Variants in DOT1L observed in about 807,000 individuals in gnomAD.
DOT1L encodes histone-lysine N-methyltransferase, H3 lysine-79 specific.
In DOT1L, 33 loss-of-function variants were observed where a neutral mutation model predicts 153.3. That is an observed-to-expected ratio of 0.22 (90% CI 0.16 to 0.29). DOT1L has a LOEUF of 0.29. Among genes scored for constraint, DOT1L ranks in the 10% least tolerant of loss-of-function variants. The pLI is 1.00. For synonymous variants in DOT1L, 1,135 were observed against 965.1 expected (o/e 1.18, Z -3.26); for missense variants, 1,847 against 2,119.9 (o/e 0.87, Z 2.53).
Position 2,187,144 on chromosome 19 carries a change from G to A in DOT1L, c.200+1215G>A, listed in dbSNP as rs139267572. Among the ~76,000 whole-genome samples the A allele has an allele frequency of 3.9e-5, 6 of 152,308 alleles. No individual in the cohort carries two copies. The East Asian group carries it at 1.2e-3, about 29-fold the overall frequency. On this transcript the variant is annotated intron_variant, in intron 3 of 27. Coordinates refer to ENST00000398665, the MANE Select transcript of DOT1L (RefSeq NM_032482.3). Reference sequence around the variant, plus strand: ...CTCACCCAGGAGCCCCCCACAAGTCGCTTCCTTACAACAGAAGACACTCCT... The same window carrying A: ...CTCACCCAGGAGCCCCCCACAAGTCACTTCCTTACAACAGAAGACACTCCT...
Position 2,216,605 on chromosome 19 carries a change from T to C in DOT1L, c.2248T>C (p.Cys750Arg), listed in dbSNP as rs1368151749. The change falls in exon 20 of 28, where the codon TGT becomes CGT. Residue 750 changes from cysteine to arginine, a missense_variant. Cys to Arg is a radical substitution (Grantham distance 180). This residue lies in a region of DOT1L where 281 missense variants were observed against 263.6 expected (regional missense o/e 1.07). Coordinates refer to ENST00000398665, the MANE Select transcript of DOT1L (RefSeq NM_032482.3). ...ASPLDQEVVPCTPSHVGRPRL... is the reference protein window; with the variant it reads ...ASPLDQEVVPRTPSHVGRPRL... The stretch of plus-strand genomic sequence containing the variant: ...ACCCCTGGACCAGGAGGTGGTGCCC[T>C]GTACCCCTAGCCACGTCGGCCGGCC... The C allele has an allele frequency of 5.6e-6, 9 of 1,607,638 alleles. No homozygotes were observed. The highest frequency in any genetic ancestry group is 7.6e-6 in the Non-Finnish European group (9 of 1,179,910).
In DOT1L at chr19:2,166,223, G is replaced by GA. The variant is rs1174325357; in HGVS notation, c.81+1958_81+1959insA. The stretch of plus-strand genomic sequence containing the variant: ...GCGATTCTCCTGCCTCGGCCTCCCT[G>GA]GTAGGTGGGATTACAGGCATGCGCC... On this transcript the variant is annotated intron_variant, in intron 1 of 27. Coordinates refer to ENST00000398665, the MANE Select transcript of DOT1L (RefSeq NM_032482.3). 8.3e-5 allele frequency among the ~76,000 whole-genome samples: 12 copies of GA among 144,492 alleles called. No individual in the cohort carries two copies. The East Asian group carries it at 8.4e-4, about 10-fold the overall frequency. 94.8% of individuals were successfully genotyped at this position (144,492 alleles called of 152,430 possible).
At chr19:2,206,940 G>T (rs552353831) in intron 10 of DOT1L, 143 bp downstream of exon 10, 28 of 831,578 alleles carry the variant, frequency 3.4e-5, no homozygotes, top group Non-Finnish European at 5.1e-5. Context: ...GGCAGTGCAG[G>T]GTGCTGAGCA....
chr19:2,222,364 C>T lies in DOT1L; in HGVS notation c.3195C>T (p.Ser1065=), dbSNP rs771035151. ...AGCAGTCGCCCTCCAGCAAGCACAG[C>T]CCCCTGACCGCCAGCGCCCGTGGGG... ...SAKQSPSSKH[S]PLTASARGDC... The change falls in exon 24 of 28, where the codon AGC becomes AGT. Residue 1065 remains serine (S), a synonymous_variant. Coordinates refer to ENST00000398665, the MANE Select transcript of DOT1L (RefSeq NM_032482.3). The surrounding 1 kb of genome is among the most constrained non-coding windows in gnomAD (Gnocchi z 6.5). 7.4e-6 allele frequency: 12 copies of T among 1,612,176 alleles called. No individual in the cohort carries two copies. The highest frequency in any genetic ancestry group is 1.3e-5 in the African/African-American group (1 of 75,052).
chr19:2,230,882 C>T lies in DOT1L; in HGVS notation c.*1090C>T, dbSNP rs1183846906. ...CTGCCTGCCCCACATCCCTTCCTGT[C>T]AGGGCCACGCCTGGCACCCATCCCT... On this transcript the variant is annotated 3_prime_UTR_variant, in exon 28 of 28. Transcript: ENST00000398665. 3.1e-6 allele frequency: 1 copy of T among 321,666 alleles called. No homozygotes were observed. The allele number at this position is 321,666 out of a possible 1,614,324, so 19.9% of individuals were successfully genotyped here.
chr19:2,198,041 G>A (rs989597015), intron 7 of DOT1L, among the ~76,000 whole-genome samples: 2 of 152,168 alleles, frequency 1.3e-5, no homozygotes, highest in Admixed American at 6.5e-5. Context: ...CTATGGGGCC[G>A]GCATTTCAGA....
rs1599629757 is a variant in DOT1L at position 2,227,959 on chromosome 19, G to T, written c.4606+832G>T. 2.5e-6 allele frequency: 3 copies of T among 1,191,844 alleles called. No individual in the cohort carries two copies. The South Asian group carries it at 4.3e-5, about 17-fold the overall frequency. 73.8% of individuals were successfully genotyped at this position (1,191,844 alleles called of 1,614,324 possible). A position where few individuals can be genotyped will look rare whatever the true frequency, so the allele number is the denominator to read the frequency against. On this transcript the variant is annotated intron_variant, in intron 27 of 27. Coordinates refer to ENST00000398665, the MANE Select transcript of DOT1L (RefSeq NM_032482.3). ...CTGCCCCCGCCTGCGCACCTGGGCC[G>T]GTCCCCCGCGGGGCCGCCCGTCCTC...
At chr19:2,173,772 C>A (rs976448914) in intron 1 of DOT1L, among the ~76,000 whole-genome samples, 2 of 152,174 alleles carry the variant, frequency 1.3e-5, no homozygotes, top group Non-Finnish European at 2.9e-5. Flanking sequence ...TTGCGAGTGC[C>A]TCACTACGCA....
In DOT1L at chr19:2,226,360, A is replaced by C. The variant is rs747466669; in HGVS notation, c.3839A>C (p.Glu1280Ala). ...CTGTTCACGTTCCGGCCCGCCCTGG[A>C]GGAGCCCTCTGCCGATGCCAAGCTG... The part of the protein sequence containing the change: ...NSLFTFRPAL[E>A]EPSADAKLAA... The change falls in exon 27 of 28, where the codon GAG becomes GCG. Residue 1280 changes from glutamate to alanine, a missense_variant. Glu to Ala is a moderately radical substitution (Grantham distance 107). This residue lies in a region of DOT1L where 934 missense variants were observed against 825.3 expected (regional missense o/e 1.13). Coordinates refer to ENST00000398665, the MANE Select transcript of DOT1L (RefSeq NM_032482.3). The C allele has an allele frequency of 1.3e-6, 2 of 1,593,900 alleles. No homozygotes were observed. Among genetic ancestry groups the C allele is most frequent in the Non-Finnish European group, 1.7e-6 (2 of 1,172,274 alleles).
At chr19:2,167,462 G>A (rs571588318) in intron 1 of DOT1L, among the ~76,000 whole-genome samples, 9 of 152,306 alleles carry the variant, frequency 5.9e-5, no homozygotes, top group East Asian at 3.9e-4. Flanking sequence ...GAGAGCTGGC[G>A]GGAGCGGGCT....
chr19:2,210,942 C>T (rs2023688205), intron 14 of DOT1L, 87 bp downstream of exon 14: 1 of 1,524,948 alleles, frequency 6.6e-7, no homozygotes. Context: ...CTCCTGAGCC[C>T]CGTGTGTTCA....
rs2024532256 is a variant in DOT1L, at chr19:2,230,070, A to T, written c.*278A>T. On this transcript the variant is annotated 3_prime_UTR_variant, in exon 28 of 28. Coordinates refer to ENST00000398665, the MANE Select transcript of DOT1L (RefSeq NM_032482.3). ...CTAAGTGGTAAAAGGCAACTTATTG[A>T]GAAATATAAATATCTATATATGAGA... 5.0e-6 allele frequency: 3 copies of T among 601,368 alleles called. No homozygotes were observed. The highest frequency in any genetic ancestry group is 3.1e-5 in the Admixed American group (1 of 31,986). The allele number at this position is 601,368 out of a possible 1,614,324, so 37.3% of individuals were successfully genotyped here.
chr19:2,210,899 G>C (rs764624309), intron 14 of DOT1L, 44 bp downstream of exon 14: 1 of 1,596,618 alleles, frequency 6.3e-7, no homozygotes, highest in Non-Finnish European at 8.5e-7. Flanking sequence ...CCCGAGTGCG[G>C]ATGCCTGGGG....
At chr19:2,186,596 C>T (rs769831140) in intron 3 of DOT1L, among the ~76,000 whole-genome samples, 4 of 152,230 alleles carry the variant, frequency 2.6e-5, no homozygotes, top group African/African-American at 9.6e-5. Context: ...GAGGGCCACG[C>T]GGCTGCACTT....
chr19:2,228,351 C>T (rs748663282), intron 27 of DOT1L: 2 of 1,318,378 alleles, frequency 1.5e-6, no homozygotes, highest in East Asian at 4.7e-5. Flanking sequence ...GCGATAAAGA[C>T]CTTGCTTAGC....
In DOT1L at chr19:2,224,264, G is replaced by A. The variant is rs182162059; in HGVS notation, c.3596+778G>A. On this transcript the variant is annotated intron_variant, in intron 25 of 27. Coordinates refer to ENST00000398665, the MANE Select transcript of DOT1L (RefSeq NM_032482.3). ...GTTTGTGTTTGGGAGCAAGTTTCCC[G>A]TTTCCTGGTGCCTGGGCGGAGGTGC... 2.1e-3 allele frequency among the ~76,000 whole-genome samples: 320 copies of A among 152,240 alleles called. 1 individual carries two copies. The highest frequency in any genetic ancestry group is 7.0e-3 in the African/African-American group (292 of 41,530).
chr19:2,208,842 C>A lies in DOT1L; in HGVS notation c.964-93C>A. The A allele has an allele frequency of 7.6e-7, 1 of 1,316,908 alleles. No individual in the cohort carries two copies. Among genetic ancestry groups the A allele is most frequent in the Non-Finnish European group, 1.1e-6 (1 of 938,774 alleles). 81.6% of individuals were successfully genotyped at this position (1,316,908 alleles called of 1,614,324 possible). On this transcript the variant is annotated intron_variant, in intron 11 of 27. Coordinates refer to ENST00000398665, the MANE Select transcript of DOT1L (RefSeq NM_032482.3). The surrounding 1 kb of genome is among the most constrained non-coding windows in gnomAD (Gnocchi z 4.4). ...GATACCAGAACAGCCTCCCCAGCCA[C>A]TGTCCAGGTTGCTGTTGTTACCTGG...
chr19:2,181,790 A>T (rs1381532380), intron 2 of DOT1L, among the ~76,000 whole-genome samples: 3 of 144,006 alleles, frequency 2.1e-5, no homozygotes, highest in African/African-American at 7.5e-5. Context: ...CCCCAGCCCC[A>T]GCCCCAGCCC....
rs753720304 is a variant in DOT1L at position 2,197,650 on chromosome 19, G to T, written c.652-2234G>T. ...GAGCTGCGTTCGTGGTCTGGATTCC[G>T]TGCAGGTTTAGGTGCTCACGGTCAG... On this transcript the variant is annotated intron_variant, in intron 7 of 27. Transcript: ENST00000398665. This position sits in a 1 kb window ranked among gnomAD's most constrained non-coding sequence, Gnocchi z 4.1. 1.3e-5 allele frequency among the ~76,000 whole-genome samples: 2 copies of T among 152,202 alleles called. No homozygotes were observed. Among genetic ancestry groups the T allele is most frequent in the Non-Finnish European group, 2.9e-5 (2 of 68,038 alleles).
Sources: allele counts gnomAD v4.1 joint callset (sites outside exome capture counted in the v4.1 genomes callset), GRCh38; gene constraint gnomAD v4.1.1; regional missense constraint gnomAD v4.1.1; non-coding constraint Gnocchi (gnomAD v3.1); transcripts MANE v1.5; gene names NCBI Gene and HGNC (gene_info 2026-07-23, HGNC 2026-07-21).